The following MYO3A variants were observed in gnomAD, a reference collection of about 807,000 sequenced individuals.
MYO3A encodes the protein myosin IIIA.
MYO3A carries 180 observed loss-of-function variants against 192.7 expected under a neutral mutation model. The ratio of observed to expected loss-of-function variants is 0.93; its 90% CI spans 0.83 to 1.06. MYO3A has a LOEUF of 1.06. Ranked by LOEUF, MYO3A falls within the 50% of genes least tolerant of loss-of-function variation. The probability of loss-of-function intolerance (pLI) is 0.00; values close to 1 mark genes in which losing one functional copy is unlikely to be tolerated. For synonymous variants in MYO3A, 628 were observed against 645.3 expected (o/e 0.97, Z 0.41); for missense variants, 1,896 against 1,905.0 (o/e 1.00, Z 0.09).
At chr10:25,972,998 C>A (rs902767258) in intron 4 of MYO3A, among the ~76,000 whole-genome samples, 2 of 152,124 alleles carry the variant, frequency 1.3e-5, no homozygotes, top group African/African-American at 4.8e-5. Context: ...TTTAAAAATT[C>A]TATTTGCTAA....
At chr10:26,073,251 A>G (rs974111191) in intron 14 of MYO3A, among the ~76,000 whole-genome samples, 2 of 152,052 alleles carry the variant, frequency 1.3e-5, no homozygotes, top group Non-Finnish European at 2.9e-5. Flanking sequence ...AAACACTGAT[A>G]CAAGCAATAA....
intron 4 of MYO3A, among the ~76,000 whole-genome samples, chr10:25,964,401 T>G (rs1838135087): frequency 6.6e-6 from 1 of 152,164 alleles, no homozygotes. Flanking sequence ...TTTGGTACAT[T>G]AATATATTTC....
chr10:26,131,404 A>G, intron 20 of MYO3A, among the ~76,000 whole-genome samples: 1 of 152,278 alleles, frequency 6.6e-6, no homozygotes, highest in Middle Eastern at 3.4e-3. Flanking sequence ...TGCAGAGTAG[A>G]TAGTTTTATG....
intron 4 of MYO3A, among the ~76,000 whole-genome samples, chr10:25,971,015 A>T (rs1323497748): frequency 2.0e-5 from 3 of 152,150 alleles, no homozygotes; most frequent in African/African-American, 7.2e-5. Flanking sequence ...GGAGAGATAT[A>T]GAAATATTAT....
At chr10:25,940,435 T>C (rs761937022) in intron 2 of MYO3A, among the ~76,000 whole-genome samples, 2 of 152,134 alleles carry the variant, frequency 1.3e-5, no homozygotes, top group African/African-American at 2.4e-5. Flanking sequence ...ATGAGGAACG[T>C]AGAACATTTT....
intron 15 of MYO3A, among the ~76,000 whole-genome samples, chr10:26,093,088 A>G (rs946510436): frequency 6.6e-6 from 1 of 152,248 alleles, no homozygotes; most frequent in African/African-American, 2.4e-5. Flanking sequence ...CAATTAATGT[A>G]CATTGTTAAC....
At chr10:26,081,133 T>TCCCCCCCCCCCCCCCCCCCCCC (rs60099269) in intron 14 of MYO3A, among the ~76,000 whole-genome samples, 1 of 84,984 alleles carries the variant, frequency 1.2e-5, no homozygotes. Context: ...TATATGCCCT[T>TCCCCCCCCCCCCCCCCCCCCCC]CCCCCCCCCC....
intron 4 of MYO3A, among the ~76,000 whole-genome samples, chr10:25,993,073 A>G (rs1448337158): frequency 6.6e-6 from 1 of 152,206 alleles, no homozygotes; most frequent in Non-Finnish European, 1.5e-5. Context: ...GAATAATTTC[A>G]GAAGGAATGG....
chr10:26,154,695 A>G (rs1225329202), intron 24 of MYO3A, 51 bp from the exon 25 acceptor site: 2 of 1,530,430 alleles, frequency 1.3e-6, no homozygotes, highest in East Asian at 4.5e-5. Context: ...GTCTGTAGAT[A>G]ATAAAGTACA....
chr10:26,120,606 C>G (rs2131700654), intron 17 of MYO3A, 70 bp from the exon 18 acceptor site: 1 of 1,601,764 alleles, frequency 6.2e-7, no homozygotes, highest in East Asian at 2.2e-5. Flanking sequence ...CCAGTCTGTC[C>G]CCAGCCATAG....
intron 5 of MYO3A, 54 bp from the exon 6 acceptor site, chr10:25,997,105 T>C: frequency 9.8e-6 from 14 of 1,433,340 alleles, no homozygotes; most frequent in Non-Finnish European, 1.4e-5. Flanking sequence ...CATCTGAAAA[T>C]TTTTATTGTT....
chr10:26,100,399 T>C (rs951434484), intron 17 of MYO3A, among the ~76,000 whole-genome samples: 2 of 152,234 alleles, frequency 1.3e-5, no homozygotes, highest in African/African-American at 2.4e-5. Context: ...TGTGTCTCTA[T>C]CTACTTCAGT....
chr10:25,962,537 A>T (rs188346233), intron 4 of MYO3A, among the ~76,000 whole-genome samples: 75 of 152,332 alleles, frequency 4.9e-4, no homozygotes, highest in African/African-American at 1.8e-3. Context: ...GGGAGAACCA[A>T]TGTTTTCTGT....
chr10:26,189,521 G>T (rs1341401423), intron 31 of MYO3A, among the ~76,000 whole-genome samples: 1 of 152,200 alleles, frequency 6.6e-6, no homozygotes, highest in Non-Finnish European at 1.5e-5. Flanking sequence ...GTGAGGCTAT[G>T]AAAAGCTTTT....
In MYO3A at chr10:25,954,995, G is replaced by A. The variant is rs764018071; in HGVS notation, c.290G>A (p.Trp97Ter). ...GATAAAGTAAATGGAGACAAGCTGTGGTTGGTTCTTGAGGTAAGTGTGTCA... is the reference window on the plus strand; with the variant it reads ...GATAAAGTAAATGGAGACAAGCTGTAGTTGGTTCTTGAGGTAAGTGTGTCA... ...KKDKVNGDKLWLVLELCSGGS... is the reference protein window; with the variant it reads ...KKDKVNGDKL Residue 97 changes from tryptophan (W) to a stop codon, truncating the protein, a stop_gained, in exon 4 of 35, where the codon TGG becomes TAG. Coordinates refer to ENST00000642920, the MANE Select transcript of MYO3A (RefSeq NM_017433.5). LOFTEE classifies it high-confidence loss of function. 6.2e-7 allele frequency: 1 copy of A among 1,612,900 alleles called. No individual in the cohort carries two copies. The highest frequency in any genetic ancestry group is 2.2e-5 in the East Asian group (1 of 44,780).
In MYO3A at chr10:26,096,554, T is replaced by C. The variant is rs1837049641; in HGVS notation, c.1662-14T>C. 6.3e-7 allele frequency: 1 copy of C among 1,595,056 alleles called. No individual in the cohort carries two copies. Among genetic ancestry groups the C allele is most frequent in the Non-Finnish European group, 8.6e-7 (1 of 1,162,880 alleles). On this transcript the variant is annotated splice_polypyrimidine_tract_variant and intron_variant, in intron 16 of 34. Coordinates refer to ENST00000642920, the MANE Select transcript of MYO3A (RefSeq NM_017433.5). Reference sequence around the variant, plus strand: ...AATTTTAGACTTTTATCCTTCCTTTTATATTTTTTTTAGGTACCTACAAAA... The same window carrying C: ...AATTTTAGACTTTTATCCTTCCTTTCATATTTTTTTTAGGTACCTACAAAA...
In MYO3A at chr10:26,139,385, A is replaced by G. The variant is rs149054497; in HGVS notation, c.2263-4063A>G. On this transcript the variant is annotated intron_variant, in intron 20 of 34. Transcript: ENST00000642920. ...CTCCCAAGTAGCTGGGATTACAGGT[A>G]TGAGCCACCACACTCAGCTGATTTT... Among the ~76,000 whole-genome samples, 189 of 152,122 alleles carry G rather than the reference A, an allele frequency of 1.2e-3. 2 individuals are homozygous for G. The highest frequency in any genetic ancestry group is 3.7e-3 in the African/African-American group (155 of 41,504).
At position 25,993,537 on chromosome 10, in the gene MYO3A, T is replaced by C. The variant is rs975307465; in HGVS notation, c.304-2953T>C. On this transcript the variant is annotated intron_variant, in intron 4 of 34. Coordinates refer to ENST00000642920, the MANE Select transcript of MYO3A (RefSeq NM_017433.5). ...TTCAGTTCTGCTCTGATCTTAGTTATTTCTTGCCTTCTGCTAGCTTTTGAA... is the reference window on the plus strand; with the variant it reads ...TTCAGTTCTGCTCTGATCTTAGTTACTTCTTGCCTTCTGCTAGCTTTTGAA... Among the ~76,000 whole-genome samples the C allele has an allele frequency of 5.5e-4, 83 of 152,198 alleles. 2 individuals are homozygous for C. The highest frequency in any genetic ancestry group is 8.8e-5 in the Non-Finnish European group (6 of 68,028).
At chr10:26,027,869 G>T (rs1842627461) in intron 10 of MYO3A, among the ~76,000 whole-genome samples, 1 of 152,134 alleles carries the variant, frequency 6.6e-6, no homozygotes, top group Non-Finnish European at 1.5e-5. Flanking sequence ...AAGTAACTGT[G>T]TAATGAACAG....
Sources: gnomAD v4.1 joint callset for allele counts (sites outside exome capture counted in the v4.1 genomes callset) on GRCh38, gnomAD v4.1.1 for gene constraint, MANE v1.5 for transcripts, NCBI Gene and HGNC (gene_info 2026-07-23, HGNC 2026-07-21) for gene names.